KCTD8: variants seen among roughly 807,000 people sequenced by gnomAD.
KCTD8 encodes the protein BTB/POZ domain-containing protein KCTD8.
A neutral mutation model predicts 31.5 loss-of-function variants in KCTD8; 27 were observed. The observed-to-expected ratio is 0.86, with a 90% CI of 0.63 to 1.18. The LOEUF (loss-of-function observed/expected upper bound fraction) is 1.18, where lower values mean the gene tolerates loss of function less well. KCTD8 is among the 50% of genes most tolerant of loss of function. The probability of loss-of-function intolerance (pLI) is 0.00; values close to 1 mark genes in which losing one functional copy is unlikely to be tolerated. For synonymous variants in KCTD8, 290 were observed against 280.0 expected (o/e 1.04, Z -0.36); for missense variants, 658 against 647.7 (o/e 1.02, Z -0.17).
intron 1 of KCTD8, among the ~76,000 whole-genome samples, chr4:44,397,292 G>C (rs1185429751): frequency 6.6e-6 from 1 of 152,088 alleles, no homozygotes. Context: ...TGATTTATAA[G>C]TTCCTTGACT....
At chr4:44,439,256 T>C (rs893690192) in intron 1 of KCTD8, among the ~76,000 whole-genome samples, 4 of 152,208 alleles carry the variant, frequency 2.6e-5, no homozygotes, top group South Asian at 2.1e-4. Context: ...ATAACAAAAC[T>C]GAGTGGTTAA....
chr4:44,437,146 T>C (rs988567988), intron 1 of KCTD8, among the ~76,000 whole-genome samples: 2 of 151,582 alleles, frequency 1.3e-5, no homozygotes, highest in African/African-American at 4.8e-5. Flanking sequence ...ACAAGTCCCA[T>C]ACCTGCAAGT....
intron 1 of KCTD8, among the ~76,000 whole-genome samples, chr4:44,218,124 C>CTTTTTT (rs570521203): frequency 4.4e-5 from 4 of 91,510 alleles, no homozygotes; most frequent in African/African-American, 1.5e-4. Flanking sequence ...TTAAAATGTC[C>CTTTTTT]TTTTTTTTTT....
chr4:44,248,572 TC>T (rs1206103768), intron 1 of KCTD8, among the ~76,000 whole-genome samples: 1 of 151,888 alleles, frequency 6.6e-6, no homozygotes, highest in Non-Finnish European at 1.5e-5. Context: ...GTGCCTCTTC[TC>T]CATAATAACT....
chr4:44,264,612 C>T (rs1261741495), intron 1 of KCTD8, among the ~76,000 whole-genome samples: 1 of 152,158 alleles, frequency 6.6e-6, no homozygotes, highest in Non-Finnish European at 1.5e-5. Flanking sequence ...CGCAAGGGGT[C>T]AGGGAGTTCC....
intron 1 of KCTD8, among the ~76,000 whole-genome samples, chr4:44,344,360 T>G (rs536963103): frequency 2.0e-5 from 3 of 152,102 alleles, no homozygotes; most frequent in Admixed American, 2.0e-4. Context: ...AATGTTTTCA[T>G]TTTTTTGTAG....
chr4:44,286,637 A>C (rs146663592), intron 1 of KCTD8, among the ~76,000 whole-genome samples: 1 of 152,314 alleles, frequency 6.6e-6, no homozygotes, highest in Non-Finnish European at 1.5e-5. Context: ...AGATACGTTT[A>C]AAGCTTTCTA....
chr4:44,291,678 T>A (rs1717278575), intron 1 of KCTD8, among the ~76,000 whole-genome samples: 1 of 152,058 alleles, frequency 6.6e-6, no homozygotes, highest in Non-Finnish European at 1.5e-5. Flanking sequence ...ATCAACAGTG[T>A]GAGCAGACAA....
intron 1 of KCTD8, among the ~76,000 whole-genome samples, chr4:44,336,147 C>T (rs1229413611): frequency 4.2e-5 from 2 of 47,882 alleles, no homozygotes; most frequent in Non-Finnish European, 6.5e-5. Context: ...GAGACTCCGT[C>T]TCAAAAAAAA....
chr4:44,306,937 T>G (rs1213732177), intron 1 of KCTD8, among the ~76,000 whole-genome samples: 1 of 151,596 alleles, frequency 6.6e-6, no homozygotes, highest in Non-Finnish European at 1.5e-5. Context: ...TGACAGGGAG[T>G]CTGAAAAATC....
At chr4:44,344,049 G>C (rs938968168) in intron 1 of KCTD8, among the ~76,000 whole-genome samples, 1 of 152,026 alleles carries the variant, frequency 6.6e-6, no homozygotes, top group Admixed American at 6.6e-5. Flanking sequence ...AGCAGAGACA[G>C]GGTTTCATGA....
At position 44,294,558 on chromosome 4, in the gene KCTD8, A is replaced by G. The variant is rs181167996; in HGVS notation, c.962-119308T>C. 2.5e-3 allele frequency among the ~76,000 whole-genome samples: 386 copies of G among 152,312 alleles called. 1 individual carries two copies. The highest frequency in any genetic ancestry group is 8.5e-3 in the African/African-American group (355 of 41,574). On this transcript the variant is annotated intron_variant, in intron 1 of 1. Coordinates refer to ENST00000360029, the MANE Select transcript of KCTD8 (RefSeq NM_198353.3). ...CAAAAGCATTGGCTCACTTTGAAAT[A>G]GAGTGTCTATTCATGAAAACTGAAA... is the stretch of plus-strand genomic sequence containing the variant.
intron 1 of KCTD8, among the ~76,000 whole-genome samples, chr4:44,230,794 T>C (rs1715098115): frequency 6.6e-6 from 1 of 152,162 alleles, no homozygotes; most frequent in Non-Finnish European, 1.5e-5. Flanking sequence ...AGTTCAGCTT[T>C]GCCATTAAAT....
At chr4:44,263,066 C>T (rs1211449714) in intron 1 of KCTD8, among the ~76,000 whole-genome samples, 1 of 152,084 alleles carries the variant, frequency 6.6e-6, no homozygotes, top group East Asian at 1.9e-4. Flanking sequence ...CTGCCCATGA[C>T]AAGTCTAAAT....
intron 1 of KCTD8, among the ~76,000 whole-genome samples, chr4:44,393,978 C>A (rs1720436538): frequency 1.3e-5 from 2 of 151,830 alleles, no homozygotes; most frequent in African/African-American, 4.8e-5. Context: ...ATAATCTATG[C>A]ATTTTTTGTT....
intron 1 of KCTD8, among the ~76,000 whole-genome samples, chr4:44,239,964 T>C (rs1377383561): frequency 1.3e-5 from 2 of 152,234 alleles, no homozygotes; most frequent in East Asian, 3.9e-4. Context: ...CTTGTACATT[T>C]CATGCCAATT....
intron 1 of KCTD8, among the ~76,000 whole-genome samples, chr4:44,398,396 G>A (rs1720563968): frequency 6.6e-6 from 1 of 152,114 alleles, no homozygotes; most frequent in Admixed American, 6.6e-5. Flanking sequence ...AAACAAACAA[G>A]CAAAACTGAA....
intron 1 of KCTD8, among the ~76,000 whole-genome samples, chr4:44,388,585 T>A (rs1213060333): frequency 6.6e-6 from 1 of 151,888 alleles, no homozygotes; most frequent in Non-Finnish European, 1.5e-5. Flanking sequence ...GTCATTATCC[T>A]TAGCAAACTA....
At chr4:44,242,961 A>G (rs546271909) in intron 1 of KCTD8, among the ~76,000 whole-genome samples, 262 of 152,326 alleles carry the variant, frequency 1.7e-3, no homozygotes, top group African/African-American at 6.0e-3. Context: ...CTGAAGAACT[A>G]GGACCCAACT....
Sources: allele counts gnomAD v4.1 joint callset (sites outside exome capture counted in the v4.1 genomes callset), GRCh38; gene constraint gnomAD v4.1.1; transcripts MANE v1.5; gene names NCBI Gene and HGNC (gene_info 2026-07-23, HGNC 2026-07-21).